Variants in EPSTI1 observed in about 807,000 individuals in gnomAD.
EPSTI1 encodes epithelial-stromal interaction protein 1.
In EPSTI1, 66 loss-of-function variants were observed where a neutral mutation model predicts 49.9. The observed-to-expected ratio is 1.32, with a 90% CI of 1.08 to 1.62. The LOEUF is 1.62. Among genes scored for constraint, EPSTI1 ranks in the 40% most tolerant of loss-of-function variants. EPSTI1 has a pLI of 0.00. For missense variants in EPSTI1, 394 were observed against 365.5 expected, an observed-to-expected ratio of 1.08 and a Z score of -0.64; for synonymous variants, 137 against 130.7, an observed-to-expected ratio of 1.05 and a Z score of -0.33.
intron 1 of EPSTI1, among the ~76,000 whole-genome samples, chr13:42,990,321 C>T (rs2040171461): frequency 6.6e-6 from 1 of 152,084 alleles, no homozygotes; most frequent in Non-Finnish European, 1.5e-5. Flanking sequence ...GATAACCCAT[C>T]AGAAAGCTGC....
chr13:42,964,184 T>A, intron 3 of EPSTI1, 45 bp from the exon 4 acceptor site: 4 of 1,522,094 alleles, frequency 2.6e-6, no homozygotes, highest in Non-Finnish European at 3.6e-6. Context: ...AATATTAAGC[T>A]GAAATGTCAG....
At chr13:42,982,834 T>C (rs1454992750) in intron 1 of EPSTI1, among the ~76,000 whole-genome samples, 1 of 152,166 alleles carries the variant, frequency 6.6e-6, no homozygotes, top group East Asian at 1.9e-4. Context: ...GGTCATAATA[T>C]CCTCATTTCA....
intron 3 of EPSTI1, among the ~76,000 whole-genome samples, chr13:42,966,443 T>C (rs2039616539): frequency 3.3e-5 from 1 of 30,208 alleles, no homozygotes; most frequent in Non-Finnish European, 6.4e-5. Context: ...CCGCCCCATC[T>C]GGGATGTGAG....
chr13:42,893,603 CTGCCA>C (rs2037101975), intron 10 of EPSTI1, among the ~76,000 whole-genome samples: 1 of 152,200 alleles, frequency 6.6e-6, no homozygotes, highest in South Asian at 2.1e-4. Context: ...TCACTAAGGC[CTGCCA>C]ATAGTCATTG....
chr13:42,910,777 A>C (rs936383090), intron 8 of EPSTI1, among the ~76,000 whole-genome samples: 12 of 152,208 alleles, frequency 7.9e-5, no homozygotes, highest in Non-Finnish European at 1.3e-4. Flanking sequence ...TTTCTATCAA[A>C]TAACTTTGAG....
intron 1 of EPSTI1, among the ~76,000 whole-genome samples, chr13:42,979,592 A>G (rs1044493716): frequency 8.1e-6 from 1 of 122,710 alleles, no homozygotes; most frequent in Non-Finnish European, 1.7e-5. Context: ...CTCAAAAAAA[A>G]AAAAAAAAAA....
intron 8 of EPSTI1, among the ~76,000 whole-genome samples, chr13:42,902,365 C>T (rs946627397): frequency 6.6e-6 from 1 of 152,130 alleles, no homozygotes; most frequent in East Asian, 1.9e-4. Flanking sequence ...GATTCCTCAA[C>T]TTAACCAACT....
Position 42,931,184 on chromosome 13 carries a change from C to T in EPSTI1, c.564-4755G>A, listed in dbSNP as rs534828412. 1.8e-4 allele frequency among the ~76,000 whole-genome samples: 24 copies of T among 135,456 alleles called. No individual in the cohort carries two copies. In the East Asian group the frequency reaches 5.6e-3, roughly 31 times the overall value. The allele number at this position is 135,456 out of a possible 152,430, so 88.9% of individuals were successfully genotyped here. On this transcript the variant is annotated intron_variant, in intron 6 of 10. Transcript: ENST00000313624. Reference sequence around the variant, plus strand: ...CAAAGGAGAGTAGAGCTACCTTTTGCCTACAGCTTTTTTTTTTTTTTTTTT... The same window carrying T: ...CAAAGGAGAGTAGAGCTACCTTTTGTCTACAGCTTTTTTTTTTTTTTTTTT...
intron 8 of EPSTI1, among the ~76,000 whole-genome samples, chr13:42,909,047 C>A (rs1207376420): frequency 6.6e-6 from 1 of 151,840 alleles, no homozygotes; most frequent in Non-Finnish European, 1.5e-5. Flanking sequence ...GTGCCAAGAT[C>A]ATGCCATTGC....
At chr13:42,963,979 A>AAGGAATATGAGTACCAGCTCTTAC in intron 4 of EPSTI1, 87 bp downstream of exon 4, 1 of 1,180,848 alleles carries the variant, frequency 8.5e-7, no homozygotes, top group Non-Finnish European at 1.2e-6. Context: ...TACTTTTGGT[A>AAGGAATATGAGTACCAGCTCTTAC]AAGTTACTGT....
At chr13:42,895,826 G>C (rs564872725) in intron 9 of EPSTI1, among the ~76,000 whole-genome samples, 16 of 152,166 alleles carry the variant, frequency 1.1e-4, no homozygotes, top group Admixed American at 3.3e-4. Flanking sequence ...GGTACCCTAT[G>C]ACATCAACAG....
intron 6 of EPSTI1, among the ~76,000 whole-genome samples, chr13:42,942,325 C>T (rs2038778531): frequency 6.6e-6 from 1 of 152,082 alleles, no homozygotes; most frequent in Non-Finnish European, 1.5e-5. Flanking sequence ...ACTTATTGGA[C>T]TTAATATTTT....
At chr13:42,953,801 T>C (rs996927082) in intron 6 of EPSTI1, 147 bp downstream of exon 6, 1 of 620,286 alleles carries the variant, frequency 1.6e-6, no homozygotes, top group African/African-American at 1.9e-5. Context: ...CCACCTTACT[T>C]ACATGGTGAA....
intron 1 of EPSTI1, among the ~76,000 whole-genome samples, chr13:42,990,712 A>T (rs2040178702): frequency 6.6e-6 from 1 of 152,230 alleles, no homozygotes. Flanking sequence ...TAATAATATT[A>T]AAGGCCTGGT....
chr13:42,925,984 A>G (rs2038158665), intron 7 of EPSTI1, among the ~76,000 whole-genome samples: 1 of 67,440 alleles, frequency 1.5e-5, no homozygotes, highest in Admixed American at 1.6e-4. Context: ...ATATAGACCT[A>G]TGAATTTAAA....
At chr13:42,942,351 T>C (rs1225319187) in intron 6 of EPSTI1, among the ~76,000 whole-genome samples, 3 of 152,178 alleles carry the variant, frequency 2.0e-5, no homozygotes, top group Non-Finnish European at 4.4e-5. Flanking sequence ...TTACTTTTTA[T>C]TGAAAAATTC....
chr13:42,900,594 A>G (rs1409494705), intron 8 of EPSTI1, among the ~76,000 whole-genome samples: 1 of 151,842 alleles, frequency 6.6e-6, no homozygotes, highest in Non-Finnish European at 1.5e-5. Flanking sequence ...CTGTGAGTGT[A>G]AAATTGCTAG....
chr13:42,886,784 C>G lies in EPSTI1; in HGVS notation c.*1710G>C, dbSNP rs879582566. ...AGTAAGTCACAATTTTCCATATCTG[C>G]ACAATTTTTAAAAAATGGAACTACC... is the stretch of plus-strand genomic sequence containing the variant. On this transcript the variant is annotated 3_prime_UTR_variant, in exon 11 of 11. Coordinates refer to ENST00000313624, the MANE Select transcript of EPSTI1 (RefSeq NM_033255.5). 1.3e-5 allele frequency: 2 copies of G among 152,162 alleles called. No homozygotes were observed. Among genetic ancestry groups the G allele is most frequent in the Non-Finnish European group, 2.9e-5 (2 of 68,038 alleles). The allele number at this position is 152,162 out of a possible 1,614,324, so 9.4% of individuals were successfully genotyped here.
intron 6 of EPSTI1, among the ~76,000 whole-genome samples, chr13:42,938,081 T>C (rs2038624228): frequency 6.6e-6 from 1 of 152,154 alleles, no homozygotes; most frequent in Non-Finnish European, 1.5e-5. Context: ...GACCTTGAAC[T>C]TTTGATATTT....
Sources: gnomAD v4.1 joint callset for allele counts (sites outside exome capture counted in the v4.1 genomes callset) on GRCh38, gnomAD v4.1.1 for gene constraint, MANE v1.5 for transcripts, NCBI Gene and HGNC (gene_info 2026-07-23, HGNC 2026-07-21) for gene names.